Variants in PRAMEF19 observed in about 807,000 individuals in gnomAD.
PRAMEF19 encodes PRAME family member 19.
PRAMEF19 carries 21 observed loss-of-function variants against 33.1 expected under a neutral mutation model. That is an observed-to-expected ratio of 0.63 (90% confidence interval 0.45 to 0.91). PRAMEF19 has a LOEUF of 0.91. Among genes scored for constraint, PRAMEF19 ranks in the 40% least tolerant of loss-of-function variants. PRAMEF19 has a pLI of 0.00. For missense variants in PRAMEF19, 481 were observed against 585.2 expected, an observed-to-expected ratio of 0.82 and a Z score of 1.84; for synonymous variants, 179 against 229.3, an observed-to-expected ratio of 0.78 and a Z score of 1.98.
chr1:13,369,142 G>C (rs535156217), exon 3 of PRAMEF19: 18 of 1,611,802 alleles, frequency 1.1e-5, no homozygotes, highest in Admixed American at 8.3e-5. Flanking sequence ...AAGGGCAGGA[G>C]ACGGGACCAA....
At chr1:13,371,811 C>T (rs1324483392) in exon 1 of PRAMEF19, 83,565 of 1,610,692 alleles carry the variant, frequency 0.052, 3,387 homozygotes, top group East Asian at 0.25. Context: ...CCCTGGGCAG[C>T]TCATCCAGGA....
At chr1:13,369,150 C>G (rs2100379647) in exon 3 of PRAMEF19, 2 of 1,611,948 alleles carry the variant, frequency 1.2e-6, no homozygotes, top group African/African-American at 1.3e-5. Flanking sequence ...GAGACGGGAC[C>G]AAAGAAGATC....
exon 3 of PRAMEF19, chr1:13,369,076 C>T (rs1441770060): frequency 4.3e-6 from 7 of 1,611,916 alleles, no homozygotes; most frequent in Non-Finnish European, 5.9e-6. Context: ...ACTAGGCAGG[C>T]CTTCCCCGCA....
At chr1:13,370,504 G>A (rs1248256011) in intron 2 of PRAMEF19, 145 bp downstream of exon 2, 3 of 1,080,394 alleles carry the variant, frequency 2.8e-6, no homozygotes, top group Non-Finnish European at 4.0e-6. Flanking sequence ...TCAGGATATA[G>A]AGCACCAAAC....
Position 13,369,351 on chromosome 1 carries a change from C to T in PRAMEF19, c.1156G>A (p.Gly386Ser), listed in dbSNP as rs761221963. ...AGACCATCCATGGACGTGTCATTGCCGTGAAAGCAGAAAGTGGTGAGGTTG... is the reference window on the plus strand; with the variant it reads ...AGACCATCCATGGACGTGTCATTGCTGTGAAAGCAGAAAGTGGTGAGGTTG... The change falls in exon 3 of 3, where the codon GGC (glycine) becomes AGC (serine). Residue 386 changes from glycine (G) to serine (S), a missense_variant. Coordinates refer to ENST00000376101, the Ensembl canonical transcript of PRAMEF19. The T allele has an allele frequency of 9.9e-6, 16 of 1,611,890 alleles. No individual in the cohort carries two copies. The highest frequency in any genetic ancestry group is 2.7e-5 in the African/African-American group (2 of 74,870).
At chr1:13,368,796 C>T (rs1169623357), downstream of PRAMEF19, among the ~76,000 whole-genome samples, 2 of 151,996 alleles carry the variant, frequency 1.3e-5, no homozygotes, top group Non-Finnish European at 2.9e-5. Context: ...ATGCCTGAAA[C>T]AGAGGTTTCT....
exon 3 of PRAMEF19, chr1:13,369,583 C>A (rs1172017451): frequency 6.2e-7 from 1 of 1,613,940 alleles, no homozygotes; most frequent in Non-Finnish European, 8.5e-7. Flanking sequence ...ATTTCAAGTC[C>A]TCTTCATCTA....
chr1:13,371,871 C>A, exon 1 of PRAMEF19: 5 of 1,611,886 alleles, frequency 3.1e-6, no homozygotes, highest in Non-Finnish European at 4.2e-6. Context: ...CTGCCAGCTC[C>A]AGGAGTCTGC....
chr1:13,368,593 A>G (rs1436878018), downstream of PRAMEF19, among the ~76,000 whole-genome samples: 3 of 152,154 alleles, frequency 2.0e-5, no homozygotes, highest in Non-Finnish European at 4.4e-5. Flanking sequence ...GTTTCCATTT[A>G]GGTTCCCTTT....
intron 2 of PRAMEF19, among the ~76,000 whole-genome samples, chr1:13,370,373 G>T (rs1483312219): frequency 2.1e-4 from 32 of 152,138 alleles, no homozygotes; most frequent in Admixed American, 1.7e-3. Context: ...TTCCTAAAAG[G>T]AATTCACCCT....
At chr1:13,368,931 A>C, downstream of PRAMEF19, 11 of 1,351,036 alleles carry the variant, frequency 8.1e-6, no homozygotes, top group Non-Finnish European at 1.1e-5. Context: ...TGGACAACAT[A>C]GGGAAACCCT....
chr1:13,370,210 C>T (rs1274930792), intron 2 of PRAMEF19, among the ~76,000 whole-genome samples: 9 of 152,266 alleles, frequency 5.9e-5, no homozygotes, highest in Admixed American at 2.0e-4. Context: ...CTCTGTGAAA[C>T]GCACAGGTTT....
In PRAMEF19 at chr1:13,369,227, G is replaced by T. The variant is rs12123403; in HGVS notation, c.1280C>A (p.Ser427Ter). The T allele has an allele frequency of 2.5e-6, 4 of 1,611,970 alleles. No homozygotes were observed. The highest frequency in any genetic ancestry group is 3.4e-6 in the Non-Finnish European group (4 of 1,179,856). ...AGCCTGAAGTGGGGTGAGGAGCTCCGAAATGACACGACCCCTGTTGTCAAG... is the reference window on the plus strand; with the variant it reads ...AGCCTGAAGTGGGGTGAGGAGCTCCTAAATGACACGACCCCTGTTGTCAAG... Residue 427 changes from serine (S) to a stop codon, truncating the protein, a stop_gained, in exon 3 of 3, where the codon TCG becomes TAG. Transcript: ENST00000376101. LOFTEE classifies it low-confidence loss of function (END_TRUNC).
At chr1:13,369,616 T>A (rs1434598864) in exon 3 of PRAMEF19, 1 of 1,613,954 alleles carries the variant, frequency 6.2e-7, no homozygotes, top group Non-Finnish European at 8.5e-7. Context: ...TTAATGCCAA[T>A]GTCTCCAACG....
exon 1 of PRAMEF19, chr1:13,371,792 G>A: frequency 1.2e-6 from 2 of 1,611,772 alleles, no homozygotes; most frequent in Non-Finnish European, 1.7e-6. Context: ...AACAGTCGGG[G>A]GAAGAGCTCC....
exon 3 of PRAMEF19, chr1:13,369,326 A>C: frequency 6.2e-7 from 1 of 1,612,072 alleles, no homozygotes; most frequent in Non-Finnish European, 8.5e-7. Context: ...CAGGTCCTTC[A>C]GACCATCCAT....
intron 2 of PRAMEF19, among the ~76,000 whole-genome samples, chr1:13,370,430 T>C (rs1640656079): frequency 1.3e-5 from 2 of 152,240 alleles, no homozygotes; most frequent in South Asian, 4.2e-4. Context: ...ACGATGTCCC[T>C]CTCTGTAGCG....
Position 13,370,092 on chromosome 1 carries a change from C to T in PRAMEF19, c.867-452G>A, listed in dbSNP as rs1228712288. On this transcript the variant is annotated intron_variant, in intron 2 of 2. Transcript: ENST00000376101. ...TCCCTCACCTCCATCCCCAGAAGCA[C>T]GCATTTCCCATGTCAATTACCTTTC... Among the ~76,000 whole-genome samples the T allele has an allele frequency of 1.5e-4, 23 of 152,330 alleles. 1 individual carries two copies. Among genetic ancestry groups the T allele is most frequent in the South Asian group, 8.3e-4 (4 of 4,828 alleles).
At chr1:13,370,754 T>C in exon 2 of PRAMEF19, 1 of 1,613,938 alleles carries the variant, frequency 6.2e-7, no homozygotes, top group East Asian at 2.2e-5. Flanking sequence ...AGCAACTAAC[T>C]GTCCTTGGCT....
Sources: allele counts gnomAD v4.1 joint callset (sites outside exome capture counted in the v4.1 genomes callset), GRCh38; gene constraint gnomAD v4.1.1; transcripts MANE v1.5; gene names NCBI Gene and HGNC (gene_info 2026-07-23, HGNC 2026-07-21).